Variants in UNC5C observed in about 807,000 individuals in gnomAD.
UNC5C encodes unc-5 netrin receptor C.
In UNC5C, 47 loss-of-function variants were observed where a neutral mutation model predicts 99.8. The observed-to-expected ratio is 0.47, with a 90% CI of 0.37 to 0.60. The LOEUF is 0.60. Among genes scored for constraint, UNC5C ranks in the 20% least tolerant of loss-of-function variants. UNC5C has a pLI of 0.00. For synonymous variants in UNC5C, 487 were observed against 452.2 expected (o/e 1.08, Z -0.98); for missense variants, 1,062 against 1,165.9 (o/e 0.91, Z 1.30).
At chr4:95,272,515 A>G (rs1740698498) in intron 4 of UNC5C, among the ~76,000 whole-genome samples, 1 of 152,256 alleles carries the variant, frequency 6.6e-6, no homozygotes, top group Non-Finnish European at 1.5e-5. Context: ...TTAGAGGCAG[A>G]TATCAGAAAA....
intron 10 of UNC5C, among the ~76,000 whole-genome samples, chr4:95,209,744 G>T (rs1256165851): frequency 6.6e-6 from 1 of 152,080 alleles, no homozygotes; most frequent in Non-Finnish European, 1.5e-5. Flanking sequence ...TAGAACACAA[G>T]TCAAGTTCTG....
intron 1 of UNC5C, among the ~76,000 whole-genome samples, chr4:95,352,953 A>T (rs1036220651): frequency 2.0e-5 from 3 of 152,158 alleles, no homozygotes; most frequent in Non-Finnish European, 1.5e-5. Context: ...AACTTTCAGC[A>T]TTCCACACAA....
intron 1 of UNC5C, among the ~76,000 whole-genome samples, chr4:95,398,423 CTTCATTCACTCA>C (rs573119666): frequency 1.4e-3 from 217 of 150,404 alleles, no homozygotes; most frequent in Admixed American, 3.2e-3. Flanking sequence ...ACTAATCTAA[CTTCATTCACTCA>C]TTCATTCATT....
chr4:95,533,908 A>T (rs192761571), intron 1 of UNC5C, among the ~76,000 whole-genome samples: 1 of 152,328 alleles, frequency 6.6e-6, no homozygotes, highest in Non-Finnish European at 1.5e-5. Flanking sequence ...AATTCCTACA[A>T]ATTCAATGTT....
intron 3 of UNC5C, among the ~76,000 whole-genome samples, chr4:95,293,381 C>T (rs1394859602): frequency 2.2e-5 from 3 of 136,506 alleles, no homozygotes; most frequent in Admixed American, 8.2e-5. Context: ...TGGCTCACTG[C>T]AGCCTTGACC....
rs536821898 is a variant in UNC5C at position 95,314,264 on chromosome 4, T to C, written c.347-12515A>G. ...TGAAGATTTCAGTTGTTCAGGGCAA[T>C]GCAGATGAGGCTAGGTTCTTTAGAA... On this transcript the variant is annotated intron_variant, in intron 2 of 15. Transcript: ENST00000453304. 7.2e-5 allele frequency among the ~76,000 whole-genome samples: 11 copies of C among 152,276 alleles called. No individual in the cohort carries two copies. In the South Asian group the frequency reaches 2.3e-3, roughly 32 times the overall value.
chr4:95,545,772 GCACACACACA>G (rs3975180), intron 1 of UNC5C, among the ~76,000 whole-genome samples: 1 of 148,316 alleles, frequency 6.7e-6, no homozygotes, highest in African/African-American at 2.5e-5. Context: ...GCGCGCGCGC[GCACACACACA>G]CACACACACA....
At chr4:95,193,631 G>A (rs1737249730) in intron 12 of UNC5C, among the ~76,000 whole-genome samples, 1 of 152,208 alleles carries the variant, frequency 6.6e-6, no homozygotes, top group Admixed American at 6.5e-5. Context: ...ATTTGGGGCT[G>A]AGAAATCTGT....
At chr4:95,535,912 T>C (rs1722760642) in intron 1 of UNC5C, among the ~76,000 whole-genome samples, 1 of 151,690 alleles carries the variant, frequency 6.6e-6, no homozygotes, top group Non-Finnish European at 1.5e-5. Flanking sequence ...ACTTAAAGCA[T>C]TCACTCAAGG....
intron 4 of UNC5C, among the ~76,000 whole-genome samples, chr4:95,265,982 C>T (rs572786080): frequency 6.6e-6 from 1 of 152,324 alleles, no homozygotes; most frequent in South Asian, 2.1e-4. Flanking sequence ...CTTGACCCTA[C>T]ACAAAGCTAT....
chr4:95,291,401 T>G (rs1741439481), intron 3 of UNC5C, among the ~76,000 whole-genome samples: 1 of 152,222 alleles, frequency 6.6e-6, no homozygotes, highest in African/African-American at 2.4e-5. Context: ...AATAAGCATT[T>G]TAGCCATAAA....
intron 1 of UNC5C, among the ~76,000 whole-genome samples, chr4:95,386,845 T>C (rs1214889776): frequency 1.3e-5 from 2 of 152,154 alleles, no homozygotes; most frequent in Non-Finnish European, 2.9e-5. Flanking sequence ...GCTGTGTTTT[T>C]TTTCTCCATG....
Position 95,335,622 on chromosome 4 carries a change from A to C in UNC5C, c.134T>G (p.Phe45Cys). Residue 45 changes from phenylalanine (F) to cysteine (C), a missense_variant, in exon 2 of 16, where the codon TTT (phenylalanine) becomes TGT (cysteine). By Grantham distance (205) the Phe-to-Cys change is radical. Coordinates refer to ENST00000453304, the MANE Select transcript of UNC5C (RefSeq NM_003728.4). ...GTGSAAQDDD[F>C]FHELPETFPS... ...AAAAGTTTCTGGGAGTTCATGAAAA[A>C]AGTCATCATCTGAGAAAGAAGAAGA... The C allele has an allele frequency of 6.2e-7, 1 of 1,606,852 alleles. No homozygotes were observed. Among genetic ancestry groups the C allele is most frequent in the Non-Finnish European group, 8.5e-7 (1 of 1,177,164 alleles).
intron 1 of UNC5C, among the ~76,000 whole-genome samples, chr4:95,497,378 A>T (rs1280827402): frequency 6.6e-6 from 1 of 151,982 alleles, no homozygotes; most frequent in Non-Finnish European, 1.5e-5. Context: ...AAGCCATTTA[A>T]GAGCAGTTAA....
intron 1 of UNC5C, among the ~76,000 whole-genome samples, chr4:95,396,754 A>G (rs1340034838): frequency 6.6e-6 from 1 of 152,190 alleles, no homozygotes; most frequent in Non-Finnish European, 1.5e-5. Context: ...CCATTACTGA[A>G]TTACTGAATC....
intron 4 of UNC5C, among the ~76,000 whole-genome samples, chr4:95,258,051 T>C (rs1740073184): frequency 6.6e-6 from 1 of 152,208 alleles, no homozygotes; most frequent in Admixed American, 6.5e-5. Flanking sequence ...AACCTTTTCA[T>C]GCAGTATTTC....
At chr4:95,180,182 A>G (rs6820655) in intron 14 of UNC5C, among the ~76,000 whole-genome samples, 2,971 of 152,326 alleles carry the variant, frequency 0.02, 103 homozygotes, top group African/African-American at 0.068. Flanking sequence ...CTGGCCCAAG[A>G]TAATATTCTA....
intron 1 of UNC5C, among the ~76,000 whole-genome samples, chr4:95,477,646 G>T (rs115962033): frequency 1.3e-5 from 2 of 151,910 alleles, no homozygotes; most frequent in Non-Finnish European, 2.9e-5. Flanking sequence ...CTTATAAAAG[G>T]GTTGCCTAGT....
intron 3 of UNC5C, among the ~76,000 whole-genome samples, chr4:95,287,255 G>C (rs1741270881): frequency 6.6e-6 from 1 of 152,068 alleles, no homozygotes; most frequent in Non-Finnish European, 1.5e-5. Context: ...GGAATGTTAG[G>C]CCATAAATGT....
Sources: allele counts gnomAD v4.1 joint callset (sites outside exome capture counted in the v4.1 genomes callset), GRCh38; gene constraint gnomAD v4.1.1; transcripts MANE v1.5; gene names NCBI Gene and HGNC (gene_info 2026-07-23, HGNC 2026-07-21).